The following SMAD9 variants were observed in gnomAD, a reference collection of about 807,000 sequenced individuals.
SMAD9 encodes MAD homolog 9.
Under a neutral mutation model 46.1 loss-of-function variants are expected in SMAD9, and 36 were observed. The observed-to-expected ratio is 0.78, with a 90% CI of 0.60 to 1.03. The LOEUF (loss-of-function observed/expected upper bound fraction) is 1.03, where lower values mean the gene tolerates loss of function less well. Ranked by LOEUF, SMAD9 falls within the 50% of genes least tolerant of loss-of-function variation. The probability of loss-of-function intolerance (pLI) is 0.00; values close to 1 mark genes in which losing one functional copy is unlikely to be tolerated. For missense variants in SMAD9, 572 were observed against 599.8 expected (o/e 0.95, Z 0.48); for synonymous variants, 245 against 237.1 (o/e 1.03, Z -0.31).
At chr13:36,885,974 G>A (rs1456227566) in intron 1 of SMAD9, among the ~76,000 whole-genome samples, 1 of 152,204 alleles carries the variant, frequency 6.6e-6, no homozygotes, top group Non-Finnish European at 1.5e-5. Flanking sequence ...GTACTGGGAA[G>A]AGCCTGGAAG....
intron 5 of SMAD9, among the ~76,000 whole-genome samples, chr13:36,863,291 G>A (rs2058200846): frequency 6.6e-6 from 1 of 152,094 alleles, no homozygotes; most frequent in Non-Finnish European, 1.5e-5. Context: ...CTTGTGGCAT[G>A]TCCAAAAAAA....
At chr13:36,903,068 G>A (rs1396664016) in intron 1 of SMAD9, among the ~76,000 whole-genome samples, 3 of 151,884 alleles carry the variant, frequency 2.0e-5, no homozygotes, top group Admixed American at 6.6e-5. Context: ...GCAGGGAGGA[G>A]GGGAGGCCTA....
At chr13:36,884,725 A>G (rs1470370025) in intron 1 of SMAD9, among the ~76,000 whole-genome samples, 1 of 152,240 alleles carries the variant, frequency 6.6e-6, no homozygotes, top group Non-Finnish European at 1.5e-5. Context: ...ATTTCCACTC[A>G]GTTGGTCTCC....
chr13:36,888,704 A>T (rs184416204), intron 1 of SMAD9, among the ~76,000 whole-genome samples: 1 of 152,014 alleles, frequency 6.6e-6, no homozygotes, highest in African/African-American at 2.4e-5. Flanking sequence ...AAAAAACAAC[A>T]CTCCTAAATA....
intron 5 of SMAD9, among the ~76,000 whole-genome samples, chr13:36,860,459 T>TC (rs1657793456): frequency 6.7e-6 from 1 of 150,290 alleles, no homozygotes; most frequent in South Asian, 2.1e-4. Context: ...ACCTTTTTTT[T>TC]TTTTTTTTGA....
intron 5 of SMAD9, among the ~76,000 whole-genome samples, chr13:36,864,938 A>G (rs995274500): frequency 6.6e-6 from 1 of 152,212 alleles, no homozygotes; most frequent in African/African-American, 2.4e-5. Context: ...CCTCAGCCAG[A>G]CCACACACTC....
chr13:36,865,149 T>C (rs2058220038), intron 5 of SMAD9, among the ~76,000 whole-genome samples: 1 of 152,242 alleles, frequency 6.6e-6, no homozygotes, highest in Non-Finnish European at 1.5e-5. Context: ...CTTCACCTGA[T>C]ACAAATAATC....
rs766552684 is a variant in SMAD9 at position 36,872,711 on chromosome 13, T to A, written c.617A>T (p.Tyr206Phe). The change falls in exon 3 of 7, where the codon TAC becomes TTC. Residue 206 changes from tyrosine to phenylalanine, a missense_variant. Coordinates refer to ENST00000379826, the MANE Select transcript of SMAD9 (RefSeq NM_001127217.3). Reference sequence around the variant, plus strand: ...AGAAGGACTTCCTGGGGAGTGAGGGTAGCTGGCCGTGCACGGGGACTGGGA... The same window carrying A: ...AGAAGGACTTCCTGGGGAGTGAGGGAAGCTGGCCGTGCACGGGGACTGGGA... ...AFSQSPCTAS[Y>F]PHSPGSPSEP... 6.2e-7 allele frequency: 1 copy of A among 1,613,744 alleles called. No individual in the cohort carries two copies. Among genetic ancestry groups the A allele is most frequent in the Non-Finnish European group, 8.5e-7 (1 of 1,179,938 alleles).
intron 2 of SMAD9, among the ~76,000 whole-genome samples, chr13:36,876,328 ACCT>A (rs2058345244): frequency 6.6e-6 from 1 of 152,154 alleles, no homozygotes; most frequent in South Asian, 2.1e-4. Context: ...TCCTGAAATA[ACCT>A]CCAGCCAAAT....
chr13:36,885,003 G>C (rs1208474366), intron 1 of SMAD9, among the ~76,000 whole-genome samples: 1 of 152,106 alleles, frequency 6.6e-6, no homozygotes, highest in African/African-American at 2.4e-5. Flanking sequence ...TTCCTTATTT[G>C]TTTTTGTCTT....
chr13:36,881,818 T>C (rs980643005), intron 1 of SMAD9, among the ~76,000 whole-genome samples: 2 of 152,220 alleles, frequency 1.3e-5, no homozygotes, highest in African/African-American at 4.8e-5. Flanking sequence ...TGAAGAGGGT[T>C]AGAAGCTTTA....
intron 1 of SMAD9, among the ~76,000 whole-genome samples, chr13:36,885,376 G>T (rs959948898): frequency 2.0e-5 from 3 of 150,170 alleles, no homozygotes; most frequent in Non-Finnish European, 4.4e-5. Flanking sequence ...AAGAAACTGG[G>T]CTTAAAACAC....
intron 5 of SMAD9, among the ~76,000 whole-genome samples, chr13:36,857,787 T>G (rs912080431): frequency 1.3e-5 from 2 of 151,966 alleles, no homozygotes; most frequent in South Asian, 4.2e-4. Context: ...AAAGGCAGAG[T>G]GTCCTGCACA....
At chr13:36,872,986 G>C (rs1044335752) in intron 2 of SMAD9, 71 bp from the exon 3 acceptor site, 31 of 1,538,414 alleles carry the variant, frequency 2.0e-5, no homozygotes, top group Non-Finnish European at 2.8e-5. Context: ...GTGGATACTT[G>C]CTGTTCTTAT....
intron 2 of SMAD9, among the ~76,000 whole-genome samples, chr13:36,878,659 C>CT (rs916024872): frequency 1.3e-5 from 2 of 152,170 alleles, no homozygotes; most frequent in African/African-American, 4.8e-5. Context: ...ATATCTTCTA[C>CT]TTACCTGAAC....
chr13:36,907,927 G>C (rs961091381), intron 1 of SMAD9, among the ~76,000 whole-genome samples: 80 of 152,238 alleles, frequency 5.3e-4, no homozygotes, highest in African/African-American at 1.8e-3. Flanking sequence ...TAAAATGCTG[G>C]GAAATCTTCA....
intron 1 of SMAD9, among the ~76,000 whole-genome samples, chr13:36,919,294 C>T (rs775670408): frequency 6.6e-6 from 1 of 152,102 alleles, no homozygotes; most frequent in Admixed American, 6.5e-5. Flanking sequence ...CTCCTCCTTC[C>T]GATCACAAAG....
chr13:36,906,971 AG>A (rs2058624741), intron 1 of SMAD9, among the ~76,000 whole-genome samples: 1 of 152,118 alleles, frequency 6.6e-6, no homozygotes, highest in African/African-American at 2.4e-5. Flanking sequence ...ATAGCCAAAA[AG>A]TGAAAACAAC....
intron 1 of SMAD9, among the ~76,000 whole-genome samples, chr13:36,904,426 A>G (rs1041341663): frequency 1.3e-5 from 2 of 152,190 alleles, no homozygotes; most frequent in African/African-American, 4.8e-5. Flanking sequence ...GAAAATGTAT[A>G]ATTGCCCTAT....
Sources: allele counts gnomAD v4.1 joint callset (sites outside exome capture counted in the v4.1 genomes callset), GRCh38; gene constraint gnomAD v4.1.1; transcripts MANE v1.5; gene names NCBI Gene and HGNC (gene_info 2026-07-23, HGNC 2026-07-21).